The following GBF1 variants were observed in gnomAD, a reference collection of about 807,000 sequenced individuals.
GBF1 encodes golgi brefeldin A resistant guanine nucleotide exchange factor 1, also known as Golgi-specific brefeldin A-resistance guanine nucleotide exchange factor 1.
In GBF1, 114 loss-of-function variants were observed where a neutral mutation model predicts 210.5. The ratio of observed to expected loss-of-function variants is 0.54; its 90% confidence interval spans 0.47 to 0.63. The LOEUF is 0.63. Ranked by LOEUF, GBF1 falls within the 30% of genes least tolerant of loss-of-function variation. The pLI is 0.00. For missense variants in GBF1, 1,851 were observed against 2,357.7 expected (o/e 0.79, Z 4.45); for synonymous variants, 850 against 889.2 (o/e 0.96, Z 0.78).
In GBF1 at chr10:102,369,392, T is replaced by G. The variant is rs2060082810; in HGVS notation, c.3150+5T>G. The G allele has an allele frequency of 1.2e-6, 2 of 1,605,934 alleles. No individual in the cohort carries two copies. The highest frequency in any genetic ancestry group is 1.7e-6 in the Non-Finnish European group (2 of 1,172,882). On this transcript the variant is annotated splice_donor_5th_base_variant and intron_variant, in intron 24 of 39. Coordinates refer to ENST00000369983, the MANE Select transcript of GBF1 (RefSeq NM_001377137.1). ...CTGCCCAAGGCTATGATAGAGGTAA[T>G]TCTTAGTAGGAGACTAGTGAGCGAT...
chr10:102,285,774 A>T (rs2075879616), intron 3 of GBF1, among the ~76,000 whole-genome samples: 1 of 152,068 alleles, frequency 6.6e-6, no homozygotes, highest in South Asian at 2.1e-4. Flanking sequence ...TGGAACTTCT[A>T]GCTCTCTCCG....
chr10:102,365,469 C>A lies in GBF1; in HGVS notation c.2179C>A (p.Leu727Ile). The change falls in exon 18 of 40, where the codon CTC becomes ATC. Residue 727 changes from leucine (L) to isoleucine (I), a missense_variant. By Grantham distance (5) the Leu-to-Ile change is conservative. Around this residue, in one of 3 missense-constraint regions of GBF1, gnomAD observed 804 missense variants for 958.6 expected, o/e 0.84. Coordinates refer to ENST00000369983, the MANE Select transcript of GBF1 (RefSeq NM_001377137.1). ...KGIQFLQEKG[L>I]LTIPMDNTEV... ...GATTCAGTTTCTGCAAGAGAAAGGC[C>A]TCCTCACCATCCCAATGGACAACAC... 6.2e-7 allele frequency: 1 copy of A among 1,613,950 alleles called. No homozygotes were observed. The highest frequency in any genetic ancestry group is 8.5e-7 in the Non-Finnish European group (1 of 1,179,792).
chr10:102,323,239 GAAAAAAAA>G (rs775888621), intron 3 of GBF1, among the ~76,000 whole-genome samples: 7 of 65,848 alleles, frequency 1.1e-4, no homozygotes, highest in Non-Finnish European at 1.7e-4. Context: ...CTCCAAAATT[GAAAAAAAA>G]AAAAAAAAAA....
In GBF1 at chr10:102,353,626, A is replaced by G; in HGVS notation, c.611A>G (p.Lys204Arg). Reference sequence around the variant, plus strand: ...TTACCTCAGTTTAAAGAAGAACCCAAGAACTATGTGGGGACCAACATGAAG... The same window carrying G: ...TTACCTCAGTTTAAAGAAGAACCCAGGAACTATGTGGGGACCAACATGAAG... ...TRLPQFKEEP[K>R]NYVGTNMKKL... Residue 204 changes from lysine (K) to arginine (R), a missense_variant, in exon 8 of 40, where the codon AAG becomes AGG. Around this residue, in one of 3 missense-constraint regions of GBF1, gnomAD observed 804 missense variants for 958.6 expected, o/e 0.84. Coordinates refer to ENST00000369983, the MANE Select transcript of GBF1 (RefSeq NM_001377137.1). 1 of 1,610,176 alleles carries G rather than the reference A, an allele frequency of 6.2e-7. No individual in the cohort carries two copies. The highest frequency in any genetic ancestry group is 8.5e-7 in the Non-Finnish European group (1 of 1,176,368).
Position 102,365,556 on chromosome 10 carries a change from G to A in GBF1, c.2266G>A (p.Val756Met). ...GGACAAGAAGATGATTGGAGAGTTT[G>A]TGAGTGACCGCAAAAACATTGACCT... ...RLDKKMIGEF[V>M]SDRKNIDLLE... is the part of the protein sequence containing the mutation. The change falls in exon 18 of 40, where the codon GTG becomes ATG. Residue 756 changes from valine (V) to methionine (M), a missense_variant. By Grantham distance (21) the Val-to-Met change is conservative. This residue lies in a region of GBF1 where 804 missense variants were observed against 958.6 expected (regional missense o/e 0.84). Coordinates refer to ENST00000369983, the MANE Select transcript of GBF1 (RefSeq NM_001377137.1). 6.2e-7 allele frequency: 1 copy of A among 1,614,200 alleles called. No individual in the cohort carries two copies. Among genetic ancestry groups the A allele is most frequent in the Non-Finnish European group, 8.5e-7 (1 of 1,180,036 alleles).
chr10:102,358,782 C>T, intron 10 of GBF1, 53 bp downstream of exon 10: 1 of 1,212,820 alleles, frequency 8.2e-7, no homozygotes, highest in Non-Finnish European at 1.2e-6. Context: ...TGGGAAATGG[C>T]TTGATCCTTT....
chr10:102,372,952 TA>T (rs1415214117), intron 29 of GBF1, among the ~76,000 whole-genome samples: 10 of 152,158 alleles, frequency 6.6e-5, no homozygotes, highest in Non-Finnish European at 1.2e-4. Flanking sequence ...TCAAAAAAAG[TA>T]ATAATTTTTA....
chr10:102,243,152 C>A (rs1212062837), upstream of GBF1, among the ~76,000 whole-genome samples: 2 of 152,148 alleles, frequency 1.3e-5, no homozygotes, highest in Non-Finnish European at 2.9e-5. Flanking sequence ...AGTAACCCAT[C>A]TTTATATTGT....
Position 102,371,650 on chromosome 10 carries a change from C to T in GBF1, c.3660+790C>T, listed in dbSNP as rs1329333408. On this transcript the variant is annotated intron_variant, in intron 29 of 39. Coordinates refer to ENST00000369983, the MANE Select transcript of GBF1 (RefSeq NM_001377137.1). ...GTGGAAAGAATCACTCTCTCTGGGC[C>T]GGTTGCTGTGGTTCATGCCTGTAAT... Among the ~76,000 whole-genome samples, 8 of 152,168 alleles carry T rather than the reference C, an allele frequency of 5.3e-5. No individual in the cohort carries two copies. The South Asian group carries it at 1.0e-3, about 20-fold the overall frequency.
In GBF1 at chr10:102,339,250, C is replaced by G. The variant is rs2058002208; in HGVS notation, c.164-4801C>G. Among the ~76,000 whole-genome samples, 3 of 152,160 alleles carry G rather than the reference C, an allele frequency of 2.0e-5. No individual in the cohort carries two copies. In the South Asian group the frequency reaches 6.2e-4, roughly 31 times the overall value. ...AGGTGGTGTGTGCCTGTAATCCCAA[C>G]TACTCAGGAGGCTGAGGCATGAGAA... On this transcript the variant is annotated intron_variant, in intron 3 of 39. Transcript: ENST00000369983.
At chr10:102,247,852 T>C (rs1002578365) in intron 1 of GBF1, among the ~76,000 whole-genome samples, 4 of 152,180 alleles carry the variant, frequency 2.6e-5, no homozygotes, top group African/African-American at 9.7e-5. Context: ...ACTCAGGCTA[T>C]AGACATATCT....
Position 102,363,886 on chromosome 10 carries a change from C to A in GBF1, c.2106+88C>A. 1.2e-6 allele frequency: 1 copy of A among 806,738 alleles called. No individual in the cohort carries two copies. The highest frequency in any genetic ancestry group is 2.1e-6 in the Non-Finnish European group (1 of 475,134). The allele number at this position is 806,738 out of a possible 1,614,324, so 50.0% of individuals were successfully genotyped here. ...TCCATCTCAGAAGATGAAGGAGAGT[C>A]TAGCACCTCATTGTACAGCTTCCTG... On this transcript the variant is annotated intron_variant, in intron 17 of 39. Transcript: ENST00000369983. This position sits in a 1 kb window ranked among gnomAD's most constrained non-coding sequence, Gnocchi z 4.2.
intron 3 of GBF1, among the ~76,000 whole-genome samples, chr10:102,334,001 T>C (rs2057536920): frequency 6.6e-6 from 1 of 152,176 alleles, no homozygotes; most frequent in Admixed American, 6.5e-5. Flanking sequence ...GTAAATGAAC[T>C]AATTTCTTTT....
intron 3 of GBF1, among the ~76,000 whole-genome samples, chr10:102,336,766 A>C (rs1476181256): frequency 2.0e-5 from 3 of 152,112 alleles, no homozygotes; most frequent in Non-Finnish European, 2.9e-5. Flanking sequence ...CCTAAATCTC[A>C]GTTACCTCAT....
At chr10:102,304,963 A>G (rs2077709884) in intron 3 of GBF1, among the ~76,000 whole-genome samples, 1 of 150,402 alleles carries the variant, frequency 6.6e-6, no homozygotes, top group Non-Finnish European at 1.5e-5. Context: ...CCTGGGCAAC[A>G]TAGCAAGACG....
At chr10:102,374,906 C>T (rs923873499) in intron 29 of GBF1, among the ~76,000 whole-genome samples, 1 of 152,068 alleles carries the variant, frequency 6.6e-6, no homozygotes, top group East Asian at 1.9e-4. Context: ...TGCAGTGGCT[C>T]ATGCCTATAA....
At chr10:102,342,572 G>A (rs2058274725) in intron 3 of GBF1, among the ~76,000 whole-genome samples, 1 of 151,996 alleles carries the variant, frequency 6.6e-6, no homozygotes, top group Non-Finnish European at 1.5e-5. Flanking sequence ...ATTAATTAAA[G>A]CGTTAATCTG....
upstream of GBF1, among the ~76,000 whole-genome samples, chr10:102,245,311 T>C (rs182820028): frequency 2.7e-3 from 417 of 152,334 alleles, no homozygotes; most frequent in African/African-American, 7.8e-3. Context: ...TTATTGGTTT[T>C]TTAAACTGTC....
chr10:102,360,985 A>C (rs576614545), intron 12 of GBF1, 37 bp from the exon 13 acceptor site: 3 of 1,140,264 alleles, frequency 2.6e-6, no homozygotes, highest in South Asian at 1.3e-5. Flanking sequence ...AAAAAAAAAA[A>C]AAAAAAACTC....
Sources: allele counts gnomAD v4.1 joint callset (sites outside exome capture counted in the v4.1 genomes callset), GRCh38; gene constraint gnomAD v4.1.1; regional missense constraint gnomAD v4.1.1; non-coding constraint Gnocchi (gnomAD v3.1); transcripts MANE v1.5; gene names NCBI Gene and HGNC (gene_info 2026-07-23, HGNC 2026-07-21).